CCSER1: variants seen among roughly 807,000 people sequenced by gnomAD.
CCSER1 encodes the protein serine-rich coiled-coil domain-containing protein 1.
A neutral mutation model predicts 82.0 loss-of-function variants in CCSER1; 41 were observed. The observed-to-expected ratio is 0.50, with a 90% CI of 0.39 to 0.65. CCSER1 has a LOEUF of 0.65. CCSER1 is among the 30% of genes least tolerant of loss of function. The pLI is 0.00. For synonymous variants in CCSER1, 414 were observed against 383.9 expected, an observed-to-expected ratio of 1.08 and a Z score of -0.92; for missense variants, 1,119 against 1,064.2, an observed-to-expected ratio of 1.05 and a Z score of -0.72.
chr4:90,179,730 T>G (rs547383685), intron 1 of CCSER1, among the ~76,000 whole-genome samples: 1 of 152,268 alleles, frequency 6.6e-6, no homozygotes, highest in South Asian at 2.1e-4. Flanking sequence ...TCCAGTAACT[T>G]AACTTGTTTT....
At chr4:90,754,754 A>G (rs1749225556) in intron 7 of CCSER1, among the ~76,000 whole-genome samples, 1 of 152,198 alleles carries the variant, frequency 6.6e-6, no homozygotes, top group South Asian at 2.1e-4. Flanking sequence ...TTTAGTAGAA[A>G]TAGCATTCAG....
intron 10 of CCSER1, among the ~76,000 whole-genome samples, chr4:91,188,513 A>G (rs949908386): frequency 2.0e-5 from 3 of 152,198 alleles, no homozygotes; most frequent in Non-Finnish European, 2.9e-5. Flanking sequence ...CAATTATTAC[A>G]CATTTTCAGG....
chr4:90,416,756 A>G (rs1755861572), intron 4 of CCSER1, among the ~76,000 whole-genome samples: 1 of 152,176 alleles, frequency 6.6e-6, no homozygotes, highest in Admixed American at 6.5e-5. Flanking sequence ...TCTAAATTTT[A>G]TGTAACATTT....
intron 5 of CCSER1, among the ~76,000 whole-genome samples, chr4:90,550,180 G>C (rs1455102289): frequency 6.6e-6 from 1 of 152,124 alleles, no homozygotes; most frequent in Non-Finnish European, 1.5e-5. Flanking sequence ...AGAGATTCTT[G>C]ATATGTCTTC....
chr4:91,450,547 G>C (rs773198952), intron 10 of CCSER1, among the ~76,000 whole-genome samples: 1 of 151,948 alleles, frequency 6.6e-6, no homozygotes, highest in Non-Finnish European at 1.5e-5. Context: ...AAACGAGATG[G>C]GCCCTACAAT....
At chr4:91,548,385 C>A (rs982708095) in intron 10 of CCSER1, among the ~76,000 whole-genome samples, 3 of 132,504 alleles carry the variant, frequency 2.3e-5, no homozygotes, top group African/African-American at 8.7e-5. Context: ...GAATATATTT[C>A]TGTTAAGTTA....
chr4:91,418,507 C>A (rs1008707172), intron 10 of CCSER1, among the ~76,000 whole-genome samples: 1 of 151,420 alleles, frequency 6.6e-6, no homozygotes, highest in Non-Finnish European at 1.5e-5. Flanking sequence ...AAACATGAAA[C>A]CTGCCGAGAC....
At chr4:91,234,753 C>G (rs1451482311) in intron 10 of CCSER1, among the ~76,000 whole-genome samples, 1 of 152,072 alleles carries the variant, frequency 6.6e-6, no homozygotes, top group Non-Finnish European at 1.5e-5. Flanking sequence ...TTTGTGAAAG[C>G]TTTAAATAAT....
chr4:90,464,601 A>G (rs1239209964), intron 4 of CCSER1, among the ~76,000 whole-genome samples: 1 of 152,236 alleles, frequency 6.6e-6, no homozygotes, highest in East Asian at 1.9e-4. Context: ...CATGCAATAC[A>G]TTAACAACAA....
intron 7 of CCSER1, among the ~76,000 whole-genome samples, chr4:90,763,420 TTG>T (rs949588268): frequency 6.6e-6 from 1 of 152,112 alleles, no homozygotes; most frequent in African/African-American, 2.4e-5. Flanking sequence ...AATATTAAAA[TTG>T]TTTCAATGTT....
At chr4:90,476,565 T>C (rs1438425117) in intron 5 of CCSER1, among the ~76,000 whole-genome samples, 2 of 152,168 alleles carry the variant, frequency 1.3e-5, no homozygotes, top group Non-Finnish European at 2.9e-5. Flanking sequence ...TTATCATCTC[T>C]ATTCAACCTT....
chr4:91,075,719 GT>G (rs1384402297), intron 9 of CCSER1, among the ~76,000 whole-genome samples: 5 of 152,042 alleles, frequency 3.3e-5, no homozygotes, highest in African/African-American at 1.2e-4. Context: ...TTTTTGTTGT[GT>G]GGTATATATA....
At chr4:91,118,488 T>G (rs182517417) in intron 10 of CCSER1, among the ~76,000 whole-genome samples, 91 of 152,150 alleles carry the variant, frequency 6.0e-4, no homozygotes, top group African/African-American at 2.2e-3. Flanking sequence ...TTGCCCTGGT[T>G]GGTCTCTAAC....
At chr4:91,159,416 A>G (rs1731150963) in intron 10 of CCSER1, among the ~76,000 whole-genome samples, 3 of 151,930 alleles carry the variant, frequency 2.0e-5, no homozygotes, top group African/African-American at 7.2e-5. Context: ...CGATAAAAAT[A>G]TCTCCAAAAA....
At chr4:90,948,203 A>G (rs951846217) in intron 9 of CCSER1, among the ~76,000 whole-genome samples, 3 of 152,006 alleles carry the variant, frequency 2.0e-5, no homozygotes, top group Admixed American at 2.0e-4. Context: ...TCATTGTACA[A>G]CAATAGTTAG....
In CCSER1 at chr4:91,601,452, A is replaced by C. The variant is rs917109953; in HGVS notation, c.*2395A>C. 2 of 152,002 alleles carry C rather than the reference A, an allele frequency of 1.3e-5. No individual in the cohort carries two copies. The highest frequency in any genetic ancestry group is 4.8e-5 in the African/African-American group (2 of 41,426). 9.4% of individuals were successfully genotyped at this position (152,002 alleles called of 1,614,324 possible). ...GTAACTCAGGCCTGGAGAAGGTGTA[A>C]GCCCACTATGCTAATGTACATCAGT... is the stretch of plus-strand genomic sequence containing the variant. On this transcript the variant is annotated 3_prime_UTR_variant, in exon 11 of 11. Transcript: ENST00000509176.
At chr4:90,783,029 C>T (rs1754023418) in intron 7 of CCSER1, among the ~76,000 whole-genome samples, 1 of 152,086 alleles carries the variant, frequency 6.6e-6, no homozygotes, top group Non-Finnish European at 1.5e-5. Context: ...GTAACCTCTG[C>T]CTCCCTGGTT....
At chr4:91,052,056 A>G (rs1015482672) in intron 9 of CCSER1, among the ~76,000 whole-genome samples, 1 of 152,108 alleles carries the variant, frequency 6.6e-6, no homozygotes, top group Non-Finnish European at 1.5e-5. Context: ...AAAATACAAG[A>G]TAATTATTTG....
intron 4 of CCSER1, among the ~76,000 whole-genome samples, chr4:90,437,974 T>G (rs1759285314): frequency 1.3e-5 from 2 of 152,116 alleles, no homozygotes; most frequent in Admixed American, 6.5e-5. Context: ...AAGTGCTGGG[T>G]TTACCACTTA....
Sources: allele counts gnomAD v4.1 joint callset (sites outside exome capture counted in the v4.1 genomes callset), GRCh38; gene constraint gnomAD v4.1.1; transcripts MANE v1.5; gene names NCBI Gene and HGNC (gene_info 2026-07-23, HGNC 2026-07-21).